ADARB2: variants seen among roughly 807,000 people sequenced by gnomAD.
The protein encoded by ADARB2 is adenosine deaminase RNA specific B2 (inactive).
A neutral mutation model predicts 62.2 loss-of-function variants in ADARB2; 25 were observed. The ratio of observed to expected loss-of-function variants is 0.40; its 90% CI spans 0.29 to 0.56. The LOEUF (loss-of-function observed/expected upper bound fraction) is 0.56. ADARB2 is among the 20% of genes least tolerant of loss of function. The probability of loss-of-function intolerance (pLI) is 0.43; values close to 1 mark genes in which losing one functional copy is unlikely to be tolerated. For synonymous variants in ADARB2, 572 were observed against 500.8 expected, an observed-to-expected ratio of 1.14 and a Z score of -1.90; for missense variants, 1,071 against 1,077.4, an observed-to-expected ratio of 0.99 and a Z score of 0.08.
At chr10:1,209,198 C>T (rs1322840379) in intron 7 of ADARB2, among the ~76,000 whole-genome samples, 1 of 152,104 alleles carries the variant, frequency 6.6e-6, no homozygotes. Flanking sequence ...GAATCACAAC[C>T]CCATCAGCAC....
chr10:1,493,726 ATTCTTTTTTTTTTTTTTTTTTTTTT>A (rs1831650704), intron 1 of ADARB2, among the ~76,000 whole-genome samples: 1 of 84,080 alleles, frequency 1.2e-5, no homozygotes, highest in African/African-American at 4.8e-5. Context: ...ATAATATGGC[ATTCTTTTTTTTTTTTTTTTTTTTTT>A]TTTTTTTTTT....
At chr10:1,394,766 G>C in intron 1 of ADARB2, 1 of 447,422 alleles carries the variant, frequency 2.2e-6, no homozygotes, top group Non-Finnish European at 4.5e-6. Context: ...GATGAGACTT[G>C]CATTCTGCAA....
At chr10:1,673,871 C>T (rs144025157) in intron 1 of ADARB2, among the ~76,000 whole-genome samples, 1,748 of 152,348 alleles carry the variant, frequency 0.011, 19 homozygotes, top group Non-Finnish European at 0.017. Flanking sequence ...AGGCCGGTTA[C>T]CGACTTCTCC....
At chr10:1,557,135 G>GC (rs10706282) in intron 1 of ADARB2, among the ~76,000 whole-genome samples, 7 of 151,556 alleles carry the variant, frequency 4.6e-5, no homozygotes, top group Non-Finnish European at 8.8e-5. Context: ...AGTCCATGGC[G>GC]CCCCCCGTCT....
At chr10:1,362,994 C>T (rs775567551) in intron 3 of ADARB2, 34 bp downstream of exon 3, 2 of 1,295,264 alleles carry the variant, frequency 1.5e-6, no homozygotes, top group Non-Finnish European at 2.0e-6. Context: ...CCCCCAGCGC[C>T]GCCCGTTCCC....
intron 8 of ADARB2, among the ~76,000 whole-genome samples, chr10:1,195,389 GTTTTTTTTTTGTTTT>G (rs1195712060): frequency 4.8e-5 from 5 of 103,670 alleles, no homozygotes; most frequent in Non-Finnish European, 9.2e-5. Context: ...GCTGTACACA[GTTTTTTTTTTGTTTT>G]TTTTTTTTTT....
At chr10:1,485,798 T>C (rs1831534012) in intron 1 of ADARB2, among the ~76,000 whole-genome samples, 3 of 152,222 alleles carry the variant, frequency 2.0e-5, no homozygotes, top group Admixed American at 6.5e-5. Context: ...CTCACCCACC[T>C]TGAGTGTTTG....
intron 1 of ADARB2, among the ~76,000 whole-genome samples, chr10:1,544,006 A>AC (rs1307765196): frequency 1.8e-3 from 50 of 28,124 alleles, no homozygotes; most frequent in South Asian, 0.011. Context: ...ACCAAAAAAA[A>AC]AAAAAAACAA....
chr10:1,625,861 C>G (rs1833758847), intron 1 of ADARB2, among the ~76,000 whole-genome samples: 1 of 54,576 alleles, frequency 1.8e-5, no homozygotes, highest in Non-Finnish European at 3.4e-5. Context: ...CTCCTGCCCT[C>G]TGTGTGCACC....
At chr10:1,193,679 C>T (rs1207906803) in intron 8 of ADARB2, among the ~76,000 whole-genome samples, 2 of 152,152 alleles carry the variant, frequency 1.3e-5, no homozygotes, top group African/African-American at 2.4e-5. Flanking sequence ...TGTCTGCAAA[C>T]GCTGTCTCAC....
intron 4 of ADARB2, among the ~76,000 whole-genome samples, chr10:1,247,281 A>T (rs935802955): frequency 1.3e-5 from 2 of 152,234 alleles, no homozygotes; most frequent in African/African-American, 4.8e-5. Context: ...GCAAACAGAG[A>T]CAATTTGACT....
At chr10:1,401,838 C>T (rs1263529684) in intron 1 of ADARB2, among the ~76,000 whole-genome samples, 2 of 152,158 alleles carry the variant, frequency 1.3e-5, no homozygotes, top group African/African-American at 4.8e-5. Context: ...AAAGTGTGTT[C>T]TGCCAAACAC....
intron 1 of ADARB2, among the ~76,000 whole-genome samples, chr10:1,531,766 G>A (rs960627093): frequency 6.6e-6 from 1 of 152,166 alleles, no homozygotes; most frequent in Non-Finnish European, 1.5e-5. Context: ...GAACCCCGGA[G>A]GCGGAGGTTG....
chr10:1,596,076 C>T (rs1440835266), intron 1 of ADARB2, among the ~76,000 whole-genome samples: 1 of 152,220 alleles, frequency 6.6e-6, no homozygotes, highest in African/African-American at 2.4e-5. Flanking sequence ...GGGCTCTCTT[C>T]ATGCTGGTAA....
chr10:1,505,649 C>T (rs925301264), intron 1 of ADARB2, among the ~76,000 whole-genome samples: 1 of 152,070 alleles, frequency 6.6e-6, no homozygotes. Flanking sequence ...CCCATCCCCA[C>T]CATGGCAGCC....
At chr10:1,701,761 T>TCACC (rs1834823294) in intron 1 of ADARB2, among the ~76,000 whole-genome samples, 3 of 41,942 alleles carry the variant, frequency 7.2e-5, no homozygotes, top group Non-Finnish European at 1.5e-4. Flanking sequence ...GACCAGGCGC[T>TCACC]AGTCAATACA....
At chr10:1,491,244 A>C (rs1001661102) in intron 1 of ADARB2, among the ~76,000 whole-genome samples, 1 of 151,752 alleles carries the variant, frequency 6.6e-6, no homozygotes, top group African/African-American at 2.4e-5. Flanking sequence ...AATTGTTTTT[A>C]TTTTTTGTAG....
In ADARB2 at chr10:1,426,269, C is replaced by T. The variant is rs1255497175; in HGVS notation, c.101-47109G>A. Among the ~76,000 whole-genome samples the T allele has an allele frequency of 2.0e-5, 3 of 152,130 alleles. No homozygotes were observed. Among genetic ancestry groups the T allele is most frequent in the Non-Finnish European group, 4.4e-5 (3 of 68,026 alleles). ...CTCTGCAGTGCCAGCCTCATTAGGT[C>T]GGCCTGCGTGGTCCTCTGAAATGTA... is the stretch of plus-strand genomic sequence containing the variant. On this transcript the variant is annotated intron_variant, in intron 1 of 9. Coordinates refer to ENST00000381312, the MANE Select transcript of ADARB2 (RefSeq NM_018702.4). The surrounding 1 kb of genome is among the most constrained non-coding windows in gnomAD (Gnocchi z 4.1).
chr10:1,220,342 GGTGATT>G (rs1337822858), intron 6 of ADARB2, among the ~76,000 whole-genome samples: 3 of 115,652 alleles, frequency 2.6e-5, no homozygotes, highest in Admixed American at 1.8e-4. Context: ...GATGGATGAT[GGTGATT>G]GTGGTGATGA....
Sources: gnomAD v4.1 joint callset for allele counts (sites outside exome capture counted in the v4.1 genomes callset) on GRCh38, gnomAD v4.1.1 for gene constraint, Gnocchi (gnomAD v3.1) non-coding constraint, MANE v1.5 for transcripts, NCBI Gene and HGNC (gene_info 2026-07-23, HGNC 2026-07-21) for gene names.